Variants in RARB observed in about 807,000 individuals in gnomAD.
RARB encodes the protein HBV-activated protein.
Under a neutral mutation model 51.9 loss-of-function variants are expected in RARB, and 17 were observed. The observed-to-expected ratio is 0.33, with a 90% confidence interval of 0.22 to 0.49. The LOEUF (loss-of-function observed/expected upper bound fraction) is 0.49. Among genes scored for constraint, RARB ranks in the 20% least tolerant of loss-of-function variants. The pLI, the probability that RARB is intolerant of heterozygous loss-of-function variation, is 0.99. For missense variants in RARB, 369 were observed against 550.8 expected, an observed-to-expected ratio of 0.67 and a Z score of 3.30; for synonymous variants, 215 against 195.4, an observed-to-expected ratio of 1.10 and a Z score of -0.84.
chr3:24,998,180 C>CT lies in RARB; in HGVS notation c.-379-61944dup, dbSNP rs202030287. On this transcript the variant is annotated intron_variant, in intron 2 of 11. Transcript: ENST00000383772. ...CTTTCAAGAATTATGAACATGGACT[C>CT]TATTAGATTATTGTAGTTCTTGGGC... Among the ~76,000 whole-genome samples, 18 of 151,738 alleles carry CT rather than the reference C, an allele frequency of 1.2e-4. No homozygotes were observed. In the East Asian group the frequency reaches 3.5e-3, roughly 29 times the overall value.
rs1703038388 is a variant in RARB at position 25,262,841 on chromosome 3, C to A, written c.178+88266C>A. On this transcript the variant is annotated intron_variant, in intron 5 of 11. Transcript: ENST00000383772. ...GGAGAGGATGTCATTCTGCCTGTCA[C>A]AATATCTCTCAGTGTTCCTATAACA... Among the ~76,000 whole-genome samples the A allele has an allele frequency of 2.0e-5, 3 of 152,158 alleles. No individual in the cohort carries two copies. In the South Asian group the frequency reaches 6.2e-4, roughly 32 times the overall value.
In RARB at chr3:25,068,236, C is replaced by T. The variant is rs185293861; in HGVS notation, c.-328+8060C>T. On this transcript the variant is annotated intron_variant, in intron 3 of 11. Coordinates refer to the RARB transcript ENST00000383772. The stretch of plus-strand genomic sequence containing the variant: ...GTCCCCCTCTCCCACTCTGAGTGTA[C>T]CTCCCCCACCCACAACCCCTTTCCC... Among the ~76,000 whole-genome samples, 506 of 149,634 alleles carry T rather than the reference C, an allele frequency of 3.4e-3. 1 individual carries two copies. The highest frequency in any genetic ancestry group is 0.012 in the African/African-American group (483 of 40,806).
At chr3:25,042,346 A>G (rs577209703) in intron 2 of RARB, among the ~76,000 whole-genome samples, 1 of 152,324 alleles carries the variant, frequency 6.6e-6, no homozygotes, top group East Asian at 1.9e-4. Context: ...AGGAATGTAG[A>G]TTAACTTCTG....
intron 3 of RARB, among the ~76,000 whole-genome samples, chr3:25,099,006 A>G (rs540994724): frequency 6.6e-6 from 1 of 152,266 alleles, no homozygotes; most frequent in East Asian, 1.9e-4. Flanking sequence ...CAACCCTGTG[A>G]AAGCTGGGGC....
chr3:25,191,624 C>G (rs995375467), intron 5 of RARB, among the ~76,000 whole-genome samples: 11 of 152,200 alleles, frequency 7.2e-5, no homozygotes, highest in African/African-American at 2.4e-4. Context: ...GATTGTGTTA[C>G]AGTAACTAAG....
chr3:25,112,597 G>C (rs1699620870), intron 3 of RARB, among the ~76,000 whole-genome samples: 1 of 151,888 alleles, frequency 6.6e-6, no homozygotes, highest in Admixed American at 6.6e-5. Context: ...GGCCACATAG[G>C]GAGACCTCGT....
intron 5 of RARB, among the ~76,000 whole-genome samples, chr3:25,333,811 G>C (rs1184790601): frequency 6.6e-6 from 1 of 152,142 alleles, no homozygotes; most frequent in Non-Finnish European, 1.5e-5. Flanking sequence ...AATCTACAAA[G>C]AACTTAAACG....
rs571509222 is a variant in RARB at position 25,127,674 on chromosome 3, A to T, written c.-327-4487A>T. Among the ~76,000 whole-genome samples the T allele has an allele frequency of 2.0e-5, 3 of 152,130 alleles. No homozygotes were observed. In the East Asian group the frequency reaches 5.8e-4, roughly 30 times the overall value. On this transcript the variant is annotated intron_variant, in intron 3 of 11. Coordinates refer to the RARB transcript ENST00000383772. ...AGAGAGTGGGAGGGAGAGAAAAGAA[A>T]CGAAGGAGCGAAGGAGGGAGGGAGG...
intron 4 of RARB, among the ~76,000 whole-genome samples, chr3:25,167,041 C>G (rs2125349480): frequency 6.6e-6 from 1 of 152,316 alleles, no homozygotes; most frequent in East Asian, 1.9e-4. Flanking sequence ...CTGCCTTTCT[C>G]TTGCCACAAG....
At chr3:24,933,597 G>A (rs1352894944) in intron 2 of RARB, among the ~76,000 whole-genome samples, 2 of 152,052 alleles carry the variant, frequency 1.3e-5, no homozygotes, top group African/African-American at 4.8e-5. Context: ...CTACAGCTAA[G>A]ACATATACTC....
At chr3:24,967,826 G>A (rs1390014324) in intron 2 of RARB, among the ~76,000 whole-genome samples, 1 of 152,128 alleles carries the variant, frequency 6.6e-6, no homozygotes, top group African/African-American at 2.4e-5. Context: ...GGATTAACAG[G>A]TCAAATAAAT....
At chr3:25,433,617 G>A (rs752881090) in intron 1 of RARB, among the ~76,000 whole-genome samples, 54 of 152,272 alleles carry the variant, frequency 3.5e-4, no homozygotes, top group South Asian at 1.5e-3. Context: ...GGTGATGGAG[G>A]GAGAAGAGTA....
intron 4 of RARB, among the ~76,000 whole-genome samples, chr3:25,150,650 C>T (rs1426650558): frequency 1.3e-5 from 2 of 152,226 alleles, no homozygotes; most frequent in South Asian, 2.1e-4. Flanking sequence ...GAGAACAGCC[C>T]CAGGTTAGAT....
intron 1 of RARB, among the ~76,000 whole-genome samples, chr3:25,453,786 G>A (rs1251382034): frequency 6.6e-6 from 1 of 152,116 alleles, no homozygotes; most frequent in Non-Finnish European, 1.5e-5. Flanking sequence ...CTTCTTTAGG[G>A]TCACGGGCAG....
intron 4 of RARB, among the ~76,000 whole-genome samples, chr3:25,137,569 A>C (rs943835258): frequency 5.3e-5 from 8 of 152,146 alleles, no homozygotes; most frequent in Non-Finnish European, 1.2e-4. Flanking sequence ...TTTTCCACAT[A>C]GATGTTAAAG....
chr3:25,589,167 G>A (rs1335014222), intron 5 of RARB, among the ~76,000 whole-genome samples: 4 of 152,216 alleles, frequency 2.6e-5, no homozygotes, highest in Admixed American at 2.0e-4. Flanking sequence ...TTTAGAGGAG[G>A]TGACATTTAA....
intron 2 of RARB, among the ~76,000 whole-genome samples, chr3:24,901,446 G>A (rs935649346): frequency 6.6e-6 from 1 of 152,078 alleles, no homozygotes; most frequent in Admixed American, 6.6e-5. Context: ...TCACTATGTA[G>A]CCCAGGCTGG....
intron 2 of RARB, among the ~76,000 whole-genome samples, chr3:25,043,058 A>G (rs998923372): frequency 6.6e-6 from 1 of 152,248 alleles, no homozygotes; most frequent in African/African-American, 2.4e-5. Flanking sequence ...GGCGTGAGGC[A>G]GGGGAGCGAC....
intron 2 of RARB, among the ~76,000 whole-genome samples, chr3:24,921,936 C>A (rs1185222986): frequency 1.3e-5 from 2 of 152,194 alleles, no homozygotes; most frequent in African/African-American, 4.8e-5. Flanking sequence ...TTGATGCAGG[C>A]TTACCTGCCC....
Sources: allele counts gnomAD v4.1 joint callset (sites outside exome capture counted in the v4.1 genomes callset), GRCh38; gene constraint gnomAD v4.1.1; transcripts MANE v1.5; gene names NCBI Gene and HGNC (gene_info 2026-07-23, HGNC 2026-07-21).